The following FSTL4 variants were observed in gnomAD, a reference collection of about 807,000 sequenced individuals.
The protein encoded by FSTL4 is follistatin like 4.
FSTL4 carries 28 observed loss-of-function variants against 78.2 expected under a neutral mutation model. The ratio of observed to expected loss-of-function variants is 0.36; its 90% CI spans 0.27 to 0.49. The LOEUF (loss-of-function observed/expected upper bound fraction) is 0.49, where lower values mean the gene tolerates loss of function less well. Among genes scored for constraint, FSTL4 ranks in the 20% least tolerant of loss-of-function variants. FSTL4 has a pLI of 0.98. For synonymous variants in FSTL4, 422 were observed against 440.5 expected, an observed-to-expected ratio of 0.96 and a Z score of 0.53; for missense variants, 922 against 1,084.9, an observed-to-expected ratio of 0.85 and a Z score of 2.11.
At chr5:133,733,913 G>C in the FSTL4 span, among the ~76,000 whole-genome samples, 1 of 152,180 alleles carries the variant, frequency 6.6e-6, no homozygotes, top group African/African-American at 2.4e-5. Flanking sequence ...ATTGATACTG[G>C]TTGTTGGCAT....
At chr5:133,751,119 C>G in the FSTL4 span, among the ~76,000 whole-genome samples, 10 of 152,152 alleles carry the variant, frequency 6.6e-5, no homozygotes, top group Admixed American at 5.2e-4. Flanking sequence ...CCTCTCCCCC[C>G]AGCCCTCAGG....
rs114001005 is a variant in FSTL4 at position 133,207,350 on chromosome 5, C to T, written c.1716+2841G>A. ...TAACCCTAAATTCCACATTGCCTGA[C>T]GCTACCATGCATGCATGCTTTTTTG... On this transcript the variant is annotated intron_variant, in intron 14 of 15. Coordinates refer to ENST00000265342, the MANE Select transcript of FSTL4 (RefSeq NM_015082.2). Among the ~76,000 whole-genome samples the T allele has an allele frequency of 3.0e-3, 451 of 152,332 alleles. 3 individuals are homozygous for T. Among genetic ancestry groups the T allele is most frequent in the African/African-American group, 0.01 (418 of 41,566 alleles).
At chr5:133,702,214 T>A in the FSTL4 span, among the ~76,000 whole-genome samples, 1 of 152,240 alleles carries the variant, frequency 6.6e-6, no homozygotes, top group Non-Finnish European at 1.5e-5. Flanking sequence ...CATCACACAT[T>A]CGGCATCAAA....
chr5:133,690,860 G>A, the FSTL4 span, among the ~76,000 whole-genome samples: 8 of 152,130 alleles, frequency 5.3e-5, no homozygotes, highest in Non-Finnish European at 7.4e-5. Context: ...CTGCTGCTCC[G>A]TTAACATGGG....
At chr5:133,303,222 G>T (rs1753586749) in intron 6 of FSTL4, among the ~76,000 whole-genome samples, 1 of 152,222 alleles carries the variant, frequency 6.6e-6, no homozygotes, top group African/African-American at 2.4e-5. Flanking sequence ...AGGGTGTGGG[G>T]AATGGCTGGC....
chr5:133,306,749 C>T (rs1561664969), intron 6 of FSTL4, among the ~76,000 whole-genome samples: 1 of 152,192 alleles, frequency 6.6e-6, no homozygotes, highest in Non-Finnish European at 1.5e-5. Context: ...CCTTCATGCC[C>T]TCAATGAGCA....
At chr5:133,820,969 G>A in the FSTL4 span, among the ~76,000 whole-genome samples, 52 of 152,262 alleles carry the variant, frequency 3.4e-4, no homozygotes, top group African/African-American at 1.0e-3. Context: ...GAGATGTTTC[G>A]GATTTGAAGG....
At chr5:133,652,221 C>G in the FSTL4 span, among the ~76,000 whole-genome samples, 2 of 151,784 alleles carry the variant, frequency 1.3e-5, no homozygotes, top group African/African-American at 4.8e-5. Flanking sequence ...ATTGATTTTC[C>G]CCATTGATTT....
At chr5:133,833,221 G>T in the FSTL4 span, among the ~76,000 whole-genome samples, 1 of 152,208 alleles carries the variant, frequency 6.6e-6, no homozygotes, top group South Asian at 2.1e-4. Flanking sequence ...AACCTTGATT[G>T]TTGGAGTCAC....
At chr5:133,644,214 A>G in the FSTL4 span, among the ~76,000 whole-genome samples, 1 of 152,214 alleles carries the variant, frequency 6.6e-6, no homozygotes, top group Non-Finnish European at 1.5e-5. Context: ...TCTGGTCGCT[A>G]GAGTCCGAGC....
chr5:133,730,460 A>G, the FSTL4 span, among the ~76,000 whole-genome samples: 2 of 152,166 alleles, frequency 1.3e-5, no homozygotes, highest in African/African-American at 2.4e-5. Context: ...TTGCCCTCTG[A>G]GGCCTCGGGT....
intron 3 of FSTL4, 78 bp from the exon 4 acceptor site, chr5:133,401,064 C>T: frequency 6.6e-7 from 1 of 1,521,318 alleles, no homozygotes; most frequent in South Asian, 1.2e-5. Context: ...TTGTAGCTCA[C>T]AAGCACAGAC....
chr5:133,500,807 T>C (rs937000000), intron 3 of FSTL4, among the ~76,000 whole-genome samples: 15 of 152,176 alleles, frequency 9.9e-5, no homozygotes, highest in African/African-American at 3.4e-4. Flanking sequence ...GAGTAGATGA[T>C]CATATAATAA....
chr5:133,659,986 G>C, the FSTL4 span, among the ~76,000 whole-genome samples: 1 of 152,176 alleles, frequency 6.6e-6, no homozygotes, highest in African/African-American at 2.4e-5. Context: ...AGAGAAATAA[G>C]TTGACAAAAA....
the FSTL4 span, among the ~76,000 whole-genome samples, chr5:133,774,447 G>A: frequency 2.2e-4 from 34 of 152,210 alleles, no homozygotes; most frequent in African/African-American, 8.2e-4. Flanking sequence ...AGAATACACA[G>A]GATAGCCCCC....
intron 3 of FSTL4, among the ~76,000 whole-genome samples, chr5:133,513,214 C>G (rs1758773251): frequency 6.6e-6 from 1 of 152,154 alleles, no homozygotes; most frequent in South Asian, 2.1e-4. Flanking sequence ...TTGATGACGC[C>G]TAACTCCAAA....
the FSTL4 span, among the ~76,000 whole-genome samples, chr5:133,700,638 A>G: frequency 1.3e-5 from 2 of 152,238 alleles, no homozygotes; most frequent in African/African-American, 4.8e-5. Context: ...AACCTACTGC[A>G]AACAGCCCCC....
chr5:133,739,964 C>T, the FSTL4 span, among the ~76,000 whole-genome samples: 1 of 149,638 alleles, frequency 6.7e-6, no homozygotes, highest in African/African-American at 2.5e-5. Context: ...ACAAACACAA[C>T]TCACTGTGCC....
Position 133,590,438 on chromosome 5 carries a change from T to C in FSTL4, c.126+13420A>G, listed in dbSNP as rs1351596078. 6.6e-5 allele frequency among the ~76,000 whole-genome samples: 10 copies of C among 152,314 alleles called. No homozygotes were observed. The East Asian group carries it at 1.9e-3, about 29-fold the overall frequency. ...GGGAGTGCATCTATCTCATCTTGTCTTCCATGATGACAGGCCAAATTATCC... is the reference window on the plus strand; with the variant it reads ...GGGAGTGCATCTATCTCATCTTGTCCTCCATGATGACAGGCCAAATTATCC... On this transcript the variant is annotated intron_variant, in intron 2 of 15. Coordinates refer to ENST00000265342, the MANE Select transcript of FSTL4 (RefSeq NM_015082.2).
Sources: gnomAD v4.1 joint callset for allele counts (sites outside exome capture counted in the v4.1 genomes callset) on GRCh38, gnomAD v4.1.1 for gene constraint, MANE v1.5 for transcripts, NCBI Gene and HGNC (gene_info 2026-07-23, HGNC 2026-07-21) for gene names.